PDCL2: variants seen among roughly 807,000 people sequenced by gnomAD.
The protein encoded by PDCL2 is phosducin like 2.
A neutral mutation model predicts 30.3 loss-of-function variants in PDCL2; 23 were observed. That is an observed-to-expected ratio of 0.76 (90% CI 0.55 to 1.08). PDCL2 has a LOEUF of 1.08. Ranked by LOEUF, PDCL2 falls within the 50% of genes least tolerant of loss-of-function variation. The pLI is 0.00. For missense variants in PDCL2, 243 were observed against 282.3 expected, an observed-to-expected ratio of 0.86 and a Z score of 1.00; for synonymous variants, 68 against 86.2, an observed-to-expected ratio of 0.79 and a Z score of 1.17.
rs982989117 is a variant in PDCL2 at position 55,582,024 on chromosome 4, A to T, written c.127+93T>A. 6.9e-5 allele frequency: 104 copies of T among 1,517,682 alleles called. No homozygotes were observed. The East Asian group carries it at 2.1e-3, about 31-fold the overall frequency. The allele number at this position is 1,517,682 out of a possible 1,614,324, so 94.0% of individuals were successfully genotyped here. On this transcript the variant is annotated intron_variant, in intron 2 of 5. Transcript: ENST00000295645. ...GCCCAGCCTATACTAAATGATTTCT[A>T]ATGTCCTCTCTCCCACTATGTTCAT...
At chr4:55,580,644 GA>G (rs1156481724) in intron 3 of PDCL2, among the ~76,000 whole-genome samples, 176 bp downstream of exon 3, 1 of 151,946 alleles carries the variant, frequency 6.6e-6, no homozygotes, top group Admixed American at 6.6e-5. Flanking sequence ...AAAATATTAA[GA>G]AAAAATGATG....
intron 3 of PDCL2, among the ~76,000 whole-genome samples, chr4:55,580,197 C>T (rs1480995005): frequency 6.6e-6 from 1 of 152,160 alleles, no homozygotes; most frequent in Non-Finnish European, 1.5e-5. Context: ...ATCAATACTA[C>T]TTGATCAAGA....
At position 55,592,234 on chromosome 4, in the gene PDCL2, C is replaced by T. The variant is rs912185742; in HGVS notation, c.-125G>A. The T allele has an allele frequency of 1.7e-5, 24 of 1,392,526 alleles. No homozygotes were observed. In the African/African-American group the frequency reaches 3.1e-4, roughly 18 times the overall value. 86.3% of individuals were successfully genotyped at this position (1,392,526 alleles called of 1,614,324 possible). Reference sequence around the variant, plus strand: ...CTTCAGGCCCGGCGGTTTCGAGTGACCGCCAGAAGAGGGAGAGGCGAACAA... The same window carrying T: ...CTTCAGGCCCGGCGGTTTCGAGTGATCGCCAGAAGAGGGAGAGGCGAACAA... On this transcript the variant is annotated 5_prime_UTR_variant, in exon 1 of 6. Coordinates refer to ENST00000295645, the MANE Select transcript of PDCL2 (RefSeq NM_152401.3).
At chr4:55,573,631 G>A (rs547247775) in intron 3 of PDCL2, among the ~76,000 whole-genome samples, 1 of 151,836 alleles carries the variant, frequency 6.6e-6, no homozygotes, top group Non-Finnish European at 1.5e-5. Flanking sequence ...TGTGCCTGTA[G>A]TCCCAGCTAC....
chr4:55,584,684 C>T (rs905051344), intron 1 of PDCL2, among the ~76,000 whole-genome samples: 3 of 152,166 alleles, frequency 2.0e-5, no homozygotes, highest in Admixed American at 6.5e-5. Flanking sequence ...CATCAGCAAA[C>T]AGCAACAATT....
At chr4:55,558,177 A>T (rs28572116) in intron 5 of PDCL2, among the ~76,000 whole-genome samples, 45,790 of 151,174 alleles carry the variant, frequency 0.3, 7,284 homozygotes, top group Middle Eastern at 0.41. Context: ...GTGTTGAAAC[A>T]ATTGCATTTT....
In PDCL2 at chr4:55,571,361, C is replaced by T. The variant is rs1732418342; in HGVS notation, c.219-1500G>A. 2.0e-5 allele frequency among the ~76,000 whole-genome samples: 3 copies of T among 151,572 alleles called. No individual in the cohort carries two copies. The Admixed American group carries it at 2.0e-4, about 10-fold the overall frequency. The stretch of plus-strand genomic sequence containing the variant: ...TTTCAATAGCAACCATATCCTGACA[C>T]ACTTGAATAAAAACAAAACCCTGGG... On this transcript the variant is annotated intron_variant, in intron 3 of 5. Coordinates refer to ENST00000295645, the MANE Select transcript of PDCL2 (RefSeq NM_152401.3).
At chr4:55,588,878 T>TAG (rs397730045) in intron 1 of PDCL2, among the ~76,000 whole-genome samples, 1 of 151,552 alleles carries the variant, frequency 6.6e-6, no homozygotes, top group African/African-American at 2.4e-5. Context: ...TTTTTTTTTT[T>TAG]AGAGAGTCTC....
chr4:55,561,012 A>C (rs914901969), intron 5 of PDCL2, among the ~76,000 whole-genome samples: 2 of 152,164 alleles, frequency 1.3e-5, no homozygotes, highest in Non-Finnish European at 2.9e-5. Flanking sequence ...TTATTATAGC[A>C]TCCCAAACAG....
chr4:55,592,177 C>A lies in PDCL2; in HGVS notation c.-68G>T. On this transcript the variant is annotated 5_prime_UTR_variant, in exon 1 of 6. Coordinates refer to ENST00000295645, the MANE Select transcript of PDCL2 (RefSeq NM_152401.3). ...CTGGCGAGGCGCCACGGATGGAGAC[C>A]CGCAGCCTTCTCCAGGCTGGAAGAG... 6.3e-7 allele frequency: 1 copy of A among 1,586,682 alleles called. No homozygotes were observed. The highest frequency in any genetic ancestry group is 8.6e-7 in the Non-Finnish European group (1 of 1,166,958).
chr4:55,573,335 G>GTAA (rs2110160315), intron 3 of PDCL2, among the ~76,000 whole-genome samples: 1 of 152,122 alleles, frequency 6.6e-6, no homozygotes, highest in African/African-American at 2.4e-5. Flanking sequence ...TGACTCCCTT[G>GTAA]TTATTTTACA....
intron 4 of PDCL2, 51 bp from the exon 5 acceptor site, chr4:55,562,663 C>T: frequency 8.0e-7 from 1 of 1,249,556 alleles, no homozygotes; most frequent in Non-Finnish European, 1.1e-6. Flanking sequence ...CTACTCATCT[C>T]AGTCTAATGA....
At chr4:55,590,259 T>G (rs1226061255) in intron 1 of PDCL2, among the ~76,000 whole-genome samples, 1 of 149,476 alleles carries the variant, frequency 6.7e-6, no homozygotes, top group Non-Finnish European at 1.5e-5. Flanking sequence ...GTGGTACCTT[T>G]TCCACCTTGA....
At chr4:55,563,402 C>T (rs558159349) in intron 4 of PDCL2, among the ~76,000 whole-genome samples, 14 of 152,112 alleles carry the variant, frequency 9.2e-5, no homozygotes, top group Non-Finnish European at 1.9e-4. Context: ...CAATTTGAGC[C>T]GGGTGCAGTG....
chr4:55,566,688 A>C (rs1357113428), intron 4 of PDCL2, among the ~76,000 whole-genome samples: 1 of 152,092 alleles, frequency 6.6e-6, no homozygotes, highest in East Asian at 1.9e-4. Context: ...TCGGCCTCCC[A>C]AAGTGCTGGG....
intron 3 of PDCL2, among the ~76,000 whole-genome samples, chr4:55,579,656 G>T (rs924362864): frequency 2.6e-5 from 4 of 152,134 alleles, no homozygotes; most frequent in Non-Finnish European, 4.4e-5. Context: ...ATTGCTCCTG[G>T]AGTATGGCTG....
chr4:55,570,885 C>G (rs923020439), intron 3 of PDCL2, among the ~76,000 whole-genome samples: 1 of 152,148 alleles, frequency 6.6e-6, no homozygotes, highest in African/African-American at 2.4e-5. Context: ...GTGTATTAAC[C>G]ATATTTTCTT....
At chr4:55,585,523 G>GTC (rs1384962956) in intron 1 of PDCL2, among the ~76,000 whole-genome samples, 14 of 145,654 alleles carry the variant, frequency 9.6e-5, no homozygotes, top group Admixed American at 7.1e-5. Context: ...GTGAGATACT[G>GTC]TCACACACAC....
intron 3 of PDCL2, among the ~76,000 whole-genome samples, chr4:55,572,360 A>C (rs1732448580): frequency 6.6e-6 from 1 of 152,202 alleles, no homozygotes; most frequent in Admixed American, 6.5e-5. Context: ...CAACATGCAA[A>C]ACTGGTATGC....
Sources: allele counts gnomAD v4.1 joint callset (sites outside exome capture counted in the v4.1 genomes callset), GRCh38; gene constraint gnomAD v4.1.1; transcripts MANE v1.5; gene names NCBI Gene and HGNC (gene_info 2026-07-23, HGNC 2026-07-21).